Variants in VAT1L observed in about 807,000 individuals in gnomAD.
The protein encoded by VAT1L is putative NADPH-dependent quinone oxidoreductase VAT1L.
A neutral mutation model predicts 44.1 loss-of-function variants in VAT1L; 34 were observed. The observed-to-expected ratio is 0.77, with a 90% CI of 0.59 to 1.03. The LOEUF (loss-of-function observed/expected upper bound fraction) is 1.03. Among genes scored for constraint, VAT1L ranks in the 50% least tolerant of loss-of-function variants. The probability of loss-of-function intolerance (pLI) is 0.00; values close to 1 mark genes in which losing one functional copy is unlikely to be tolerated. For missense variants in VAT1L, 615 were observed against 538.8 expected, an observed-to-expected ratio of 1.14 and a Z score of -1.40; for synonymous variants, 253 against 202.2, an observed-to-expected ratio of 1.25 and a Z score of -2.13.
intron 3 of VAT1L, among the ~76,000 whole-genome samples, chr16:77,844,120 A>T (rs976281961): frequency 2.6e-5 from 4 of 152,228 alleles, no homozygotes; most frequent in African/African-American, 7.2e-5. Context: ...TATTATACAT[A>T]TAGTATGTGT....
At chr16:77,815,895 G>A (rs1296630549) in intron 1 of VAT1L, among the ~76,000 whole-genome samples, 1 of 151,438 alleles carries the variant, frequency 6.6e-6, no homozygotes, top group East Asian at 1.9e-4. Context: ...TTGAACCCGG[G>A]AGGTGGAGGT....
chr16:77,859,400 C>T (rs998499444), intron 3 of VAT1L, among the ~76,000 whole-genome samples: 6 of 151,974 alleles, frequency 3.9e-5, no homozygotes, highest in African/African-American at 7.3e-5. Context: ...GGCTGAAGTT[C>T]GGTGTGTGTT....
intron 4 of VAT1L, among the ~76,000 whole-genome samples, chr16:77,870,646 C>T (rs993684363): frequency 8.5e-5 from 13 of 152,194 alleles, no homozygotes; most frequent in African/African-American, 3.1e-4. Flanking sequence ...ATATAATCCC[C>T]GAGCTGGGGC....
intron 1 of VAT1L, among the ~76,000 whole-genome samples, chr16:77,816,064 G>A (rs2016349348): frequency 6.7e-6 from 1 of 148,680 alleles, no homozygotes; most frequent in African/African-American, 2.5e-5. Flanking sequence ...TTAGCAAATG[G>A]GTGTTAAATG....
chr16:77,810,625 A>G (rs533264260), intron 1 of VAT1L, among the ~76,000 whole-genome samples: 328 of 152,208 alleles, frequency 2.2e-3, no homozygotes, highest in African/African-American at 7.8e-3. Flanking sequence ...AGCCATGTTC[A>G]CGCCTCTGCA....
intron 7 of VAT1L, among the ~76,000 whole-genome samples, chr16:77,942,353 C>A (rs1191039701): frequency 6.6e-6 from 1 of 152,162 alleles, no homozygotes; most frequent in Non-Finnish European, 1.5e-5. Flanking sequence ...CTGGTTCCCT[C>A]CCACGATATG....
chr16:77,792,671 A>G (rs2015855775), intron 1 of VAT1L, among the ~76,000 whole-genome samples: 1 of 152,138 alleles, frequency 6.6e-6, no homozygotes, highest in Non-Finnish European at 1.5e-5. Context: ...CTGAGGCTTG[A>G]GCATCCAACA....
At chr16:77,894,596 T>C (rs1689500281) in intron 7 of VAT1L, among the ~76,000 whole-genome samples, 1 of 152,160 alleles carries the variant, frequency 6.6e-6, no homozygotes, top group Non-Finnish European at 1.5e-5. Context: ...GGGCATGGCA[T>C]TTCTTTTTGG....
intron 7 of VAT1L, among the ~76,000 whole-genome samples, chr16:77,956,022 G>A (rs1484274212): frequency 6.6e-6 from 1 of 151,912 alleles, no homozygotes; most frequent in Non-Finnish European, 1.5e-5. Context: ...AGCACAGTGG[G>A]GTGACTATAG....
In VAT1L at chr16:77,828,315, G is replaced by A. The variant is rs548442392; in HGVS notation, c.579+2854G>A. ...GACTAAAGTAAGGACGTTGAGATAG[G>A]GAGGTTATCCTGCGTTATTCAGGAT... On this transcript the variant is annotated intron_variant, in intron 3 of 8. Transcript: ENST00000302536. 2.6e-5 allele frequency among the ~76,000 whole-genome samples: 4 copies of A among 152,348 alleles called. No homozygotes were observed. The South Asian group carries it at 6.2e-4, about 24-fold the overall frequency.
At chr16:77,941,916 G>A (rs1358171622) in intron 7 of VAT1L, among the ~76,000 whole-genome samples, 1 of 152,106 alleles carries the variant, frequency 6.6e-6, no homozygotes, top group Non-Finnish European at 1.5e-5. Context: ...CAATGGTTGA[G>A]CTAATTTACA....
chr16:77,864,434 G>GC lies in VAT1L; in HGVS notation c.722+1551dup, dbSNP rs569949697. ...ATAGTGAAGCTCGATCTCTACCTGTGCCCCCCCACAAAAATACAAAACGTA... is the reference window on the plus strand; with the variant it reads ...ATAGTGAAGCTCGATCTCTACCTGTGCCCCCCCCACAAAAATACAAAACGTA... On this transcript the variant is annotated intron_variant, in intron 4 of 8. Transcript: ENST00000302536. Among the ~76,000 whole-genome samples the GC allele has an allele frequency of 6.7e-3, 1,014 of 150,324 alleles. 10 individuals carry two copies. The highest frequency in any genetic ancestry group is 0.024 in the African/African-American group (961 of 40,232).
intron 7 of VAT1L, among the ~76,000 whole-genome samples, chr16:77,950,177 G>A (rs1054853887): frequency 6.6e-5 from 10 of 152,178 alleles, no homozygotes; most frequent in African/African-American, 2.4e-4. Flanking sequence ...GGGAGGCCAA[G>A]GCAGGTGGAT....
At chr16:77,920,603 TATA>T (rs1172630134) in intron 7 of VAT1L, among the ~76,000 whole-genome samples, 1 of 152,210 alleles carries the variant, frequency 6.6e-6, no homozygotes, top group Non-Finnish European at 1.5e-5. Flanking sequence ...TCATGCTCTG[TATA>T]ATGACATTTC....
chr16:77,964,870 C>T (rs1017185390), intron 7 of VAT1L, among the ~76,000 whole-genome samples: 5 of 147,900 alleles, frequency 3.4e-5, no homozygotes, highest in Non-Finnish European at 7.4e-5. Flanking sequence ...CTCAGCTCAC[C>T]GCAACTTCCG....
chr16:77,800,718 C>G (rs2016032504), intron 1 of VAT1L: 1 of 152,174 alleles, frequency 6.6e-6, no homozygotes, highest in Non-Finnish European at 1.5e-5. Flanking sequence ...ACATTTTCCC[C>G]CCAGTGCAGG....
At chr16:77,883,231 T>C (rs142294647) in intron 6 of VAT1L, among the ~76,000 whole-genome samples, 173 of 152,326 alleles carry the variant, frequency 1.1e-3, no homozygotes, top group African/African-American at 3.8e-3. Flanking sequence ...ATTGAAATGA[T>C]TTTGAACATC....
intron 3 of VAT1L, 116 bp downstream of exon 3, chr16:77,825,577 C>A: frequency 8.3e-7 from 1 of 1,204,322 alleles, no homozygotes. Context: ...CACTATGGTT[C>A]TGGTAGAGTT....
intron 5 of VAT1L, among the ~76,000 whole-genome samples, chr16:77,878,003 C>T (rs2017108056): frequency 6.6e-6 from 1 of 152,208 alleles, no homozygotes; most frequent in South Asian, 2.1e-4. Context: ...GTCATCCTTA[C>T]TTATCATTTA....
Sources: gnomAD v4.1 joint callset for allele counts (sites outside exome capture counted in the v4.1 genomes callset) on GRCh38, gnomAD v4.1.1 for gene constraint, MANE v1.5 for transcripts, NCBI Gene and HGNC (gene_info 2026-07-23, HGNC 2026-07-21) for gene names.